Variants in NTRK2 observed in about 807,000 individuals in gnomAD.
NTRK2 encodes the protein neurotrophic receptor tyrosine kinase 2.
NTRK2 carries 13 observed loss-of-function variants against 94.5 expected under a neutral mutation model. That is an observed-to-expected ratio of 0.14 (90% CI 0.09 to 0.22). The LOEUF is 0.22. NTRK2 is among the 10% of genes least tolerant of loss of function. The probability of loss-of-function intolerance (pLI) is 1.00; values close to 1 mark genes in which losing one functional copy is unlikely to be tolerated. For missense variants in NTRK2, 639 were observed against 1,071.2 expected (o/e 0.60, Z 5.63); for synonymous variants, 372 against 407.4 (o/e 0.91, Z 1.05).
intron 17 of NTRK2, among the ~76,000 whole-genome samples, chr9:84,977,786 G>C (rs910641524): frequency 6.6e-6 from 1 of 152,160 alleles, no homozygotes; most frequent in Admixed American, 6.5e-5. Flanking sequence ...CAGGTATCAA[G>C]AAAGCCTATC....
chr9:84,822,656 T>G (rs1322544574), intron 12 of NTRK2, among the ~76,000 whole-genome samples: 2 of 152,136 alleles, frequency 1.3e-5, no homozygotes, highest in African/African-American at 2.4e-5. Context: ...TCGACTGCCG[T>G]TCACTCTAGG....
At chr9:84,678,834 C>CA (rs2059218154) in intron 2 of NTRK2, among the ~76,000 whole-genome samples, 1 of 152,224 alleles carries the variant, frequency 6.6e-6, no homozygotes, top group South Asian at 2.1e-4. Context: ...CACCCAAACT[C>CA]AAAGAATGTT....
intron 14 of NTRK2, among the ~76,000 whole-genome samples, chr9:84,912,689 G>A (rs1438928190): frequency 1.4e-5 from 2 of 144,780 alleles, no homozygotes; most frequent in South Asian, 2.2e-4. Flanking sequence ...CGCGATCTTG[G>A]CTCACTGCAA....
At chr9:85,000,821 T>G (rs965689012) in intron 17 of NTRK2, among the ~76,000 whole-genome samples, 1 of 152,124 alleles carries the variant, frequency 6.6e-6, no homozygotes, top group Non-Finnish European at 1.5e-5. Context: ...ATGTTTAGCT[T>G]TGTAAGACAC....
At chr9:84,691,209 G>T (rs2060029624) in intron 2 of NTRK2, among the ~76,000 whole-genome samples, 1 of 152,180 alleles carries the variant, frequency 6.6e-6, no homozygotes, top group South Asian at 2.1e-4. Flanking sequence ...AATTTCTTTT[G>T]CAGGAACAAT....
intron 4 of NTRK2, among the ~76,000 whole-genome samples, chr9:84,704,106 A>G (rs1178121625): frequency 6.6e-6 from 1 of 152,088 alleles, no homozygotes; most frequent in African/African-American, 2.4e-5. Context: ...AGTTTTATTA[A>G]TAGACTTACT....
At chr9:84,990,171 G>A (rs548191172) in intron 17 of NTRK2, among the ~76,000 whole-genome samples, 4 of 147,480 alleles carry the variant, frequency 2.7e-5, no homozygotes, top group African/African-American at 7.5e-5. Flanking sequence ...TCAAAGGCCA[G>A]GCGGATATTC....
intron 14 of NTRK2, among the ~76,000 whole-genome samples, chr9:84,869,697 C>A (rs1339595309): frequency 6.6e-6 from 1 of 152,124 alleles, no homozygotes; most frequent in East Asian, 1.9e-4. Context: ...TCTGTTGAAC[C>A]ATTCCTTCAT....
Position 85,023,567 on chromosome 9 carries a change from G to A in NTRK2, c.*2130G>A, listed in dbSNP as rs975352839. On this transcript the variant is annotated 3_prime_UTR_variant, in exon 19 of 19. Transcript: ENST00000277120. The stretch of plus-strand genomic sequence containing the variant: ...GCCTATGAGAGATGAGAGTTGGGTC[G>A]TTTGTTCTCTTTGTTGATGATTTTA... The A allele has an allele frequency of 3.5e-5, 8 of 231,730 alleles. No homozygotes were observed. Among genetic ancestry groups the A allele is most frequent in the African/African-American group, 1.1e-4 (5 of 44,786 alleles). 14.4% of individuals were successfully genotyped at this position (231,730 alleles called of 1,614,324 possible). A position where few individuals can be genotyped will look rare whatever the true frequency, so the allele number is the denominator to read the frequency against.
intron 17 of NTRK2, among the ~76,000 whole-genome samples, chr9:84,961,333 T>C (rs965169947): frequency 2.6e-5 from 4 of 152,256 alleles, no homozygotes; most frequent in African/African-American, 9.6e-5. Context: ...TAGATCTTTC[T>C]GTTTCGGCTC....
At chr9:84,889,981 A>T (rs1466391174) in intron 14 of NTRK2, among the ~76,000 whole-genome samples, 1 of 152,240 alleles carries the variant, frequency 6.6e-6, no homozygotes, top group Non-Finnish European at 1.5e-5. Context: ...CATTATAAAG[A>T]TATAAATGTC....
intron 2 of NTRK2, among the ~76,000 whole-genome samples, chr9:84,691,217 A>G (rs979025751): frequency 2.0e-5 from 3 of 152,242 alleles, no homozygotes; most frequent in Non-Finnish European, 4.4e-5. Flanking sequence ...TTGCAGGAAC[A>G]ATAAGTGATG....
chr9:84,849,296 G>A (rs889798338), intron 12 of NTRK2, among the ~76,000 whole-genome samples: 1 of 152,134 alleles, frequency 6.6e-6, no homozygotes, highest in Non-Finnish European at 1.5e-5. Flanking sequence ...TGAAGAGGAA[G>A]CGAAAAACCC....
At chr9:84,710,815 G>T in intron 6 of NTRK2, 24 bp downstream of exon 6, 1 of 1,612,666 alleles carries the variant, frequency 6.2e-7, no homozygotes, top group South Asian at 1.1e-5. Context: ...AAATCAATGT[G>T]TTCTAGTTGC....
At chr9:84,872,997 A>G (rs748567503) in intron 14 of NTRK2, 20 of 1,063,806 alleles carry the variant, frequency 1.9e-5, no homozygotes, top group African/African-American at 3.3e-5. Flanking sequence ...TTGCAACATT[A>G]CTTTGAGTAC....
chr9:84,974,841 A>G (rs1826616938), intron 17 of NTRK2, among the ~76,000 whole-genome samples: 1 of 152,110 alleles, frequency 6.6e-6, no homozygotes. Context: ...GCCTCAAGGA[A>G]GTCGCCGGCT....
chr9:84,708,633 A>T (rs934456992), intron 5 of NTRK2, among the ~76,000 whole-genome samples: 2 of 152,196 alleles, frequency 1.3e-5, no homozygotes. Flanking sequence ...TGTGGGGCAG[A>T]TGTGGGCCCA....
chr9:84,992,936 TTA>T (rs35011356), intron 17 of NTRK2, among the ~76,000 whole-genome samples: 5 of 148,848 alleles, frequency 3.4e-5, no homozygotes, highest in Admixed American at 6.7e-5. Context: ...ATTTAATGTA[TTA>T]TATATATATA....
chr9:84,982,589 T>C (rs1485218574), intron 17 of NTRK2, among the ~76,000 whole-genome samples: 1 of 152,238 alleles, frequency 6.6e-6, no homozygotes, highest in Non-Finnish European at 1.5e-5. Context: ...TTATCCTCTT[T>C]GTCCCAACAT....
Sources: allele counts gnomAD v4.1 joint callset (sites outside exome capture counted in the v4.1 genomes callset), GRCh38; gene constraint gnomAD v4.1.1; transcripts MANE v1.5; gene names NCBI Gene and HGNC (gene_info 2026-07-23, HGNC 2026-07-21).